Variants in KCNK13 observed in about 807,000 individuals in gnomAD.
KCNK13 encodes potassium channel subfamily K member 13.
Under a neutral mutation model 23.4 loss-of-function variants are expected in KCNK13, and 12 were observed. The observed-to-expected ratio is 0.51, with a 90% CI of 0.33 to 0.83. The LOEUF is 0.83. KCNK13 is among the 40% of genes least tolerant of loss of function. The pLI, the probability that KCNK13 is intolerant of heterozygous loss-of-function variation, is 0.02. For synonymous variants in KCNK13, 231 were observed against 229.5 expected (o/e 1.01, Z -0.06); for missense variants, 463 against 556.3 (o/e 0.83, Z 1.69).
chr14:90,129,690 C>T (rs115179534), intron 1 of KCNK13, among the ~76,000 whole-genome samples: 255 of 152,188 alleles, frequency 1.7e-3, no homozygotes, highest in African/African-American at 5.9e-3. Context: ...CACATTTTCA[C>T]CAGCTCTTAG....
intron 1 of KCNK13, among the ~76,000 whole-genome samples, chr14:90,088,611 G>A (rs1335861989): frequency 1.3e-5 from 2 of 152,164 alleles, no homozygotes; most frequent in Non-Finnish European, 2.9e-5. Context: ...TTTCTCTTGG[G>A]AAAATGGAAA....
intron 1 of KCNK13, among the ~76,000 whole-genome samples, chr14:90,183,840 A>AT (rs1005947446): frequency 6.6e-5 from 10 of 152,170 alleles, no homozygotes; most frequent in African/African-American, 2.2e-4. Flanking sequence ...TCACCAAGCC[A>AT]TTTTTTGCTG....
intron 1 of KCNK13, among the ~76,000 whole-genome samples, chr14:90,149,607 T>A (rs1419980721): frequency 1.3e-5 from 2 of 152,012 alleles, no homozygotes; most frequent in Non-Finnish European, 2.9e-5. Flanking sequence ...TCCCACAACA[T>A]GTGGGGATTA....
intron 1 of KCNK13, among the ~76,000 whole-genome samples, chr14:90,066,028 A>G (rs763966212): frequency 2.6e-5 from 4 of 152,172 alleles, no homozygotes; most frequent in African/African-American, 4.8e-5. Flanking sequence ...CAGTGGCACA[A>G]TCTTGGCTCA....
At chr14:90,069,485 T>C (rs1276609575) in intron 1 of KCNK13, among the ~76,000 whole-genome samples, 3 of 152,044 alleles carry the variant, frequency 2.0e-5, no homozygotes, top group South Asian at 4.2e-4. Context: ...CCCTGGTCAG[T>C]GTGTAAATCC....
chr14:90,086,970 G>T (rs142400381), intron 1 of KCNK13, among the ~76,000 whole-genome samples: 2 of 151,734 alleles, frequency 1.3e-5, no homozygotes, highest in Admixed American at 6.6e-5. Flanking sequence ...GATGAGCAGG[G>T]CCTGTAGCTT....
At chr14:90,152,075 A>G (rs1369685198) in intron 1 of KCNK13, among the ~76,000 whole-genome samples, 1 of 152,154 alleles carries the variant, frequency 6.6e-6, no homozygotes, top group Non-Finnish European at 1.5e-5. Flanking sequence ...GAATTGTAAC[A>G]CCCATAATCC....
At chr14:90,124,287 G>A (rs1422387322) in intron 1 of KCNK13, among the ~76,000 whole-genome samples, 1 of 152,202 alleles carries the variant, frequency 6.6e-6, no homozygotes, top group Non-Finnish European at 1.5e-5. Flanking sequence ...GATGGAATAG[G>A]CCAAATAATG....
intron 1 of KCNK13, among the ~76,000 whole-genome samples, chr14:90,138,645 G>C (rs982714790): frequency 1.3e-5 from 2 of 152,198 alleles, no homozygotes; most frequent in Non-Finnish European, 2.9e-5. Flanking sequence ...CATTCAATGG[G>C]GCTTGACATA....
At chr14:90,066,013 G>T (rs1174261454) in intron 1 of KCNK13, among the ~76,000 whole-genome samples, 1 of 152,128 alleles carries the variant, frequency 6.6e-6, no homozygotes, top group Admixed American at 6.5e-5. Flanking sequence ...ACCTAGGCTT[G>T]AGTGCAGTGG....
intron 1 of KCNK13, among the ~76,000 whole-genome samples, chr14:90,178,545 C>T (rs928536787): frequency 5.9e-5 from 9 of 152,222 alleles, no homozygotes; most frequent in Admixed American, 5.9e-4. Flanking sequence ...CCGCCTCAGC[C>T]TCCCAAAGTG....
chr14:90,079,774 CAGAA>C (rs1889185214), intron 1 of KCNK13, among the ~76,000 whole-genome samples: 1 of 152,146 alleles, frequency 6.6e-6, no homozygotes, highest in Non-Finnish European at 1.5e-5. Flanking sequence ...CCCAGGAACT[CAGAA>C]AGAAAAAGAT....
At chr14:90,131,402 T>C (rs1359676729) in intron 1 of KCNK13, among the ~76,000 whole-genome samples, 2 of 151,998 alleles carry the variant, frequency 1.3e-5, no homozygotes, top group African/African-American at 2.4e-5. Flanking sequence ...CAGCTAATTT[T>C]TGTATTTTTA....
intron 1 of KCNK13, among the ~76,000 whole-genome samples, chr14:90,148,842 A>G (rs1890102861): frequency 6.6e-6 from 1 of 152,214 alleles, no homozygotes; most frequent in Non-Finnish European, 1.5e-5. Flanking sequence ...ATGAGTAACA[A>G]CACACTGTTC....
At chr14:90,107,926 T>C (rs1889566323) in intron 1 of KCNK13, 1 of 749,170 alleles carries the variant, frequency 1.3e-6, no homozygotes, top group Non-Finnish European at 2.5e-6. Context: ...GCAGATGCAG[T>C]GATCTAGTCA....
At chr14:90,154,443 G>A (rs1566647485) in intron 1 of KCNK13, among the ~76,000 whole-genome samples, 1 of 152,160 alleles carries the variant, frequency 6.6e-6, no homozygotes, top group South Asian at 2.1e-4. Flanking sequence ...CATAATGCCT[G>A]CTTCTCTACC....
At chr14:90,123,911 G>T (rs1433957808) in intron 1 of KCNK13, among the ~76,000 whole-genome samples, 1 of 152,154 alleles carries the variant, frequency 6.6e-6, no homozygotes. Context: ...CACCTGGGCG[G>T]TTTTTAACAG....
intron 1 of KCNK13, among the ~76,000 whole-genome samples, chr14:90,148,820 G>A (rs568465971): frequency 4.6e-5 from 7 of 152,312 alleles, no homozygotes; most frequent in Admixed American, 3.3e-4. Flanking sequence ...GTGAGATGCT[G>A]GACAGACACA....
chr14:90,082,549 C>T (rs1489731755), intron 1 of KCNK13, among the ~76,000 whole-genome samples: 1 of 152,174 alleles, frequency 6.6e-6, no homozygotes, highest in African/African-American at 2.4e-5. Context: ...TTGTGACTGA[C>T]TTCTTTCACT....
Sources: gnomAD v4.1 joint callset for allele counts (sites outside exome capture counted in the v4.1 genomes callset) on GRCh38, gnomAD v4.1.1 for gene constraint, MANE v1.5 for transcripts, NCBI Gene and HGNC (gene_info 2026-07-23, HGNC 2026-07-21) for gene names.